Variants in C11orf65 observed in about 807,000 individuals in gnomAD.
The protein encoded by C11orf65 is protein MFI.
Under a neutral mutation model 35.3 loss-of-function variants are expected in C11orf65, and 38 were observed. That is an observed-to-expected ratio of 1.08 (90% CI 0.83 to 1.41). The LOEUF is 1.41. Ranked by LOEUF, C11orf65 falls within the 40% of genes most tolerant of loss-of-function variation. The pLI is 0.00. For missense variants in C11orf65, 370 were observed against 367.1 expected (o/e 1.01, Z -0.06); for synonymous variants, 105 against 114.4 (o/e 0.92, Z 0.53).
chr11:108,396,831 C>CT (rs2092319150), intron 6 of C11orf65, among the ~76,000 whole-genome samples: 1 of 77,012 alleles, frequency 1.3e-5, no homozygotes, highest in Non-Finnish European at 2.6e-5. Context: ...AAGACTCCGT[C>CT]TTAAAATAAA....
chr11:108,386,091 C>T (rs1349604951), intron 7 of C11orf65, 116 bp from the exon 8 acceptor site: 12 of 814,384 alleles, frequency 1.5e-5, no homozygotes, highest in Non-Finnish European at 2.2e-5. Flanking sequence ...TGTTCACTAG[C>T]CTCCATGTGT....
intron 6 of C11orf65, among the ~76,000 whole-genome samples, chr11:108,315,524 T>G (rs930245370): frequency 6.6e-6 from 1 of 152,122 alleles, no homozygotes; most frequent in Non-Finnish European, 1.5e-5. Context: ...TTTTAAAAAA[T>G]TTTTCAGTAG....
chr11:108,451,445 C>T (rs1356590181), intron 2 of C11orf65, among the ~76,000 whole-genome samples: 1 of 151,934 alleles, frequency 6.6e-6, no homozygotes, highest in East Asian at 1.9e-4. Context: ...ATCCAACTTA[C>T]AAGGGATGTG....
chr11:108,352,245 C>G (rs1376289745), intron 2 of C11orf65, among the ~76,000 whole-genome samples: 1 of 152,118 alleles, frequency 6.6e-6, no homozygotes, highest in Non-Finnish European at 1.5e-5. Flanking sequence ...CATAAAAACA[C>G]TGAAGGAACA....
At chr11:108,464,869 C>A (rs1470730433) in intron 1 of C11orf65, among the ~76,000 whole-genome samples, 1 of 151,722 alleles carries the variant, frequency 6.6e-6, no homozygotes, top group East Asian at 1.9e-4. Flanking sequence ...TTAAAAAAAA[C>A]AGCGTGCATA....
At chr11:108,324,817 G>T (rs1407097753) in intron 6 of C11orf65, among the ~76,000 whole-genome samples, 8 of 152,162 alleles carry the variant, frequency 5.3e-5, no homozygotes, top group Non-Finnish European at 8.8e-5. Context: ...GTTGGTAAAT[G>T]AAACCTTTGC....
intron 2 of C11orf65, chr11:108,336,128 C>T: frequency 1.9e-6 from 1 of 536,000 alleles, no homozygotes; most frequent in East Asian, 3.2e-5. Flanking sequence ...GAGACCCCAT[C>T]TTGACAAAAA....
chr11:108,353,529 C>G (rs1334177719), intron 2 of C11orf65, among the ~76,000 whole-genome samples: 5 of 152,090 alleles, frequency 3.3e-5, no homozygotes. Flanking sequence ...CACCCTTTAA[C>G]CTAGATTTCT....
chr11:108,335,500 A>C (rs569056127), intron 2 of C11orf65, among the ~76,000 whole-genome samples: 2 of 152,118 alleles, frequency 1.3e-5, no homozygotes, highest in African/African-American at 4.8e-5. Context: ...AAAAAGGGAG[A>C]GCATTCTTCC....
intron 1 of C11orf65, among the ~76,000 whole-genome samples, chr11:108,464,728 G>C (rs1196727013): frequency 2.0e-5 from 3 of 152,098 alleles, no homozygotes; most frequent in African/African-American, 7.2e-5. Context: ...ATTGTCTCTA[G>C]GAAGGGACCT....
intron 6 of C11orf65, among the ~76,000 whole-genome samples, chr11:108,317,714 G>GTA (rs1159597234): frequency 7.0e-5 from 10 of 143,306 alleles, no homozygotes; most frequent in African/African-American, 1.3e-4. Flanking sequence ...GTGTATGTGT[G>GTA]TATATATATA....
chr11:108,330,096 C>CT, downstream of C11orf65: 2 of 1,114,966 alleles, frequency 1.8e-6, no homozygotes, highest in Non-Finnish European at 2.6e-6. Flanking sequence ...TAGAAGTTTG[C>CT]TTTTTTCCCT....
chr11:108,384,226 T>C (rs995759831), intron 8 of C11orf65, among the ~76,000 whole-genome samples: 1 of 152,024 alleles, frequency 6.6e-6, no homozygotes, highest in African/African-American at 2.4e-5. Context: ...TGGAGAAGCA[T>C]TGGTTTGGAG....
At position 108,317,539 on chromosome 11, in the gene C11orf65, A is replaced by AT. The variant is rs58978479; in HGVS notation, c.641-8469dup. On this transcript the variant is annotated intron_variant, in intron 6 of 6. Transcript: ENST00000525729. ...TCCGTCAGGTAAGAAATTTGACTTG[A>AT]TTTTTTTTTTTTTGCCTCTCTCCTC... 0.024 allele frequency: 29,706 copies of AT among 1,225,564 alleles called. No individual in the cohort carries two copies. Among genetic ancestry groups the AT allele is most frequent in the East Asian group, 0.03 (1,003 of 33,414 alleles). 75.9% of individuals were successfully genotyped at this position (1,225,564 alleles called of 1,614,324 possible). A position where few individuals can be genotyped will look rare whatever the true frequency, so the allele number is the denominator to read the frequency against.
intron 2 of C11orf65, among the ~76,000 whole-genome samples, chr11:108,440,720 T>G (rs1314137609): frequency 6.6e-6 from 1 of 152,168 alleles, no homozygotes; most frequent in African/African-American, 2.4e-5. Context: ...GACACAGACT[T>G]GGACACTGCA....
chr11:108,327,255 G>C (rs1349386921), downstream of C11orf65: 1 of 261,376 alleles, frequency 3.8e-6, no homozygotes, highest in Non-Finnish European at 7.5e-6. Flanking sequence ...TGGCCCTGAA[G>C]TATGTGCTGT....
chr11:108,466,032 C>T (rs2093532980), intron 1 of C11orf65, among the ~76,000 whole-genome samples: 1 of 149,954 alleles, frequency 6.7e-6, no homozygotes, highest in Admixed American at 6.6e-5. Context: ...GATTCTAAAG[C>T]ATGTTAAAAT....
rs1203799084 is a variant in C11orf65, at chr11:108,459,185, G to A, written c.81+2294C>T. 3.9e-5 allele frequency among the ~76,000 whole-genome samples: 6 copies of A among 152,082 alleles called. No individual in the cohort carries two copies. In the South Asian group the frequency reaches 8.3e-4, roughly 21 times the overall value. On this transcript the variant is annotated intron_variant, in intron 2 of 8. Coordinates refer to ENST00000393084, the MANE Select transcript of C11orf65 (RefSeq NM_152587.5). ...AACAAAATTAAGAGGGTTTCACTGTGGAATGCCAAATTCATGCTAGAACTA... is the reference window on the plus strand; with the variant it reads ...AACAAAATTAAGAGGGTTTCACTGTAGAATGCCAAATTCATGCTAGAACTA...
intron 7 of C11orf65, among the ~76,000 whole-genome samples, chr11:108,389,116 T>C (rs562815935): frequency 2.0e-5 from 3 of 152,370 alleles, no homozygotes; most frequent in African/African-American, 7.2e-5. Context: ...AAAATGTCCA[T>C]AGACGTTGAA....
Sources: gnomAD v4.1 joint callset for allele counts (sites outside exome capture counted in the v4.1 genomes callset) on GRCh38, gnomAD v4.1.1 for gene constraint, MANE v1.5 for transcripts, NCBI Gene and HGNC (gene_info 2026-07-23, HGNC 2026-07-21) for gene names.